Variants in OSBPL3 observed in about 807,000 individuals in gnomAD.
OSBPL3 encodes the protein oxysterol-binding protein-related protein 3.
Under a neutral mutation model 120.1 loss-of-function variants are expected in OSBPL3, and 65 were observed. That is an observed-to-expected ratio of 0.54 (90% CI 0.44 to 0.67). OSBPL3 has a LOEUF of 0.67. OSBPL3 is among the 30% of genes least tolerant of loss of function. OSBPL3 has a pLI of 0.00. For missense variants in OSBPL3, 1,004 were observed against 1,082.1 expected (o/e 0.93, Z 1.01); for synonymous variants, 416 against 402.6 (o/e 1.03, Z -0.40).
At chr7:24,812,606 T>C (rs988145986) in intron 19 of OSBPL3, among the ~76,000 whole-genome samples, 6 of 152,164 alleles carry the variant, frequency 3.9e-5, no homozygotes, top group African/African-American at 1.4e-4. Flanking sequence ...AAAATCTCTA[T>C]GAAAGAATGG....
chr7:24,970,104 CTTTTTTTTTTTTT>C (rs10540160), intron 1 of OSBPL3, among the ~76,000 whole-genome samples: 10 of 83,004 alleles, frequency 1.2e-4, no homozygotes, highest in Admixed American at 4.7e-4. Context: ...TCGTCCCTTT[CTTTTTTTTTTTTT>C]TTTTTTTTTT....
chr7:24,892,215 T>C (rs1455177778), intron 2 of OSBPL3, among the ~76,000 whole-genome samples, 162 bp downstream of exon 2: 1 of 152,182 alleles, frequency 6.6e-6, no homozygotes, highest in East Asian at 1.9e-4. Flanking sequence ...CACACATTAT[T>C]AAAATTATAC....
intron 1 of OSBPL3, among the ~76,000 whole-genome samples, chr7:24,917,388 TATATATTTGTAAC>T (rs1220681917): frequency 8.1e-6 from 1 of 123,216 alleles, no homozygotes; most frequent in African/African-American, 3.3e-5. Flanking sequence ...GTAACATATA[TATATATTTGTAAC>T]ATATATATAT....
chr7:24,940,889 G>A lies in OSBPL3; in HGVS notation c.-150+38997C>T, dbSNP rs1435977884. Among the ~76,000 whole-genome samples, 1 of 149,944 alleles carries A rather than the reference G, an allele frequency of 6.7e-6. No homozygotes were observed. Among genetic ancestry groups the A allele is most frequent in the South Asian group, 2.1e-4 (1 of 4,744 alleles). ...GGCTGGAGTGCACTGGCGCGATCTC[G>A]GCTCACTGCAAGCTCTGCCTCCCGG... On this transcript the variant is annotated intron_variant, in intron 1 of 22. Coordinates refer to ENST00000313367, the MANE Select transcript of OSBPL3 (RefSeq NM_015550.4). The surrounding 1 kb of genome is among the most constrained non-coding windows in gnomAD (Gnocchi z 4.4).
chr7:24,973,533 T>C (rs557494255), intron 1 of OSBPL3, among the ~76,000 whole-genome samples: 1 of 152,312 alleles, frequency 6.6e-6, no homozygotes, highest in Non-Finnish European at 1.5e-5. Context: ...ACAAGGAAAT[T>C]ACCAGTGAGT....
chr7:24,980,395 C>T (rs991521605), upstream of OSBPL3, among the ~76,000 whole-genome samples: 8 of 151,848 alleles, frequency 5.3e-5, no homozygotes, highest in Non-Finnish European at 1.0e-4. Context: ...AACTAGGGAC[C>T]CCGGATTCCG....
intron 16 of OSBPL3, among the ~76,000 whole-genome samples, chr7:24,829,078 A>T (rs1466915697): frequency 6.6e-6 from 1 of 152,220 alleles, no homozygotes; most frequent in Non-Finnish European, 1.5e-5. Context: ...CAGAGGACTG[A>T]AGCTCAACTT....
chr7:24,839,419 T>C (rs1388599192), intron 14 of OSBPL3, among the ~76,000 whole-genome samples: 2 of 152,168 alleles, frequency 1.3e-5, no homozygotes, highest in Non-Finnish European at 2.9e-5. Flanking sequence ...CAGTTCGAAC[T>C]AGCATTATGA....
At position 24,834,775 on chromosome 7, in the gene OSBPL3, T is replaced by G. The variant is rs1331613778; in HGVS notation, c.1496-39A>C. 1 of 1,481,352 alleles carries G rather than the reference T, an allele frequency of 6.8e-7. No individual in the cohort carries two copies. The highest frequency in any genetic ancestry group is 1.4e-5 in the South Asian group (1 of 72,152). 91.8% of individuals were successfully genotyped at this position (1,481,352 alleles called of 1,614,324 possible). A position where few individuals can be genotyped will look rare whatever the true frequency, so the allele number is the denominator to read the frequency against. On this transcript the variant is annotated intron_variant, in intron 14 of 22. Transcript: ENST00000313367. The surrounding 1 kb of genome is among the most constrained non-coding windows in gnomAD (Gnocchi z 5.2). ...AGGCCTGGTTGTCTCTATAAAGCTT[T>G]TCATTTTATTCTATTATTTTTAATC...
chr7:24,838,697 T>C (rs1797319045), intron 14 of OSBPL3, among the ~76,000 whole-genome samples: 1 of 152,198 alleles, frequency 6.6e-6, no homozygotes, highest in African/African-American at 2.4e-5. Flanking sequence ...TCCCTCTCCA[T>C]AGACTCAAAG....
intron 1 of OSBPL3, among the ~76,000 whole-genome samples, chr7:24,902,700 T>TG (rs1807224487): frequency 1.3e-5 from 1 of 75,058 alleles, no homozygotes; most frequent in Non-Finnish European, 2.4e-5. Flanking sequence ...CAAGAGAAAA[T>TG]AAATAATAAT....
intron 20 of OSBPL3, among the ~76,000 whole-genome samples, chr7:24,809,210 A>G (rs1012775): frequency 0.74 from 113,099 of 152,100 alleles, 43,167 homozygotes; most frequent in East Asian, 0.98. Flanking sequence ...TTACAATATG[A>G]CTGTGACTTG....
At chr7:24,949,836 T>C (rs1814175449) in intron 1 of OSBPL3, among the ~76,000 whole-genome samples, 1 of 152,126 alleles carries the variant, frequency 6.6e-6, no homozygotes, top group South Asian at 2.1e-4. Context: ...CCTGCCTCTC[T>C]CCCCGCTCCC....
At chr7:24,842,455 A>G (rs751128550) in intron 12 of OSBPL3, 42 bp from the exon 13 acceptor site, 1 of 1,436,836 alleles carries the variant, frequency 7.0e-7, no homozygotes, top group Non-Finnish European at 9.6e-7. Context: ...ATTTAAAAAC[A>G]TTCTCAAGAG....
rs1001677794 is a variant in OSBPL3, at chr7:24,817,738, G to A, written c.1949-1050C>T. Among the ~76,000 whole-genome samples, 2 of 152,148 alleles carry A rather than the reference G, an allele frequency of 1.3e-5. No homozygotes were observed. The highest frequency in any genetic ancestry group is 4.8e-5 in the African/African-American group (2 of 41,428). On this transcript the variant is annotated intron_variant, in intron 17 of 22. Transcript: ENST00000313367. This position sits in a 1 kb window ranked among gnomAD's most constrained non-coding sequence, Gnocchi z 4.0. ...CCCAGGGGATAACAAACGGGATGAA[G>A]GGAACCAAGACAACAGACGCGGGGA...
rs1240655809 is a variant in OSBPL3, at chr7:24,898,205, C to T, written c.-149-5584G>A. On this transcript the variant is annotated intron_variant, in intron 1 of 22. Coordinates refer to ENST00000313367, the MANE Select transcript of OSBPL3 (RefSeq NM_015550.4). This position sits in a 1 kb window ranked among gnomAD's most constrained non-coding sequence, Gnocchi z 4.3. ...CTTTAAGCACCACAGACCAGAGATT[C>T]AGCATCAGAAGTTTCTGGAAGCAGG... Among the ~76,000 whole-genome samples the T allele has an allele frequency of 6.6e-6, 1 of 152,190 alleles. No homozygotes were observed. The highest frequency in any genetic ancestry group is 1.5e-5 in the Non-Finnish European group (1 of 68,036).
Position 24,947,849 on chromosome 7 carries a change from G to A in OSBPL3, c.-150+32037C>T, listed in dbSNP as rs961486310. 6.6e-6 allele frequency among the ~76,000 whole-genome samples: 1 copy of A among 151,928 alleles called. No homozygotes were observed. The highest frequency in any genetic ancestry group is 1.5e-5 in the Non-Finnish European group (1 of 67,998). ...CCATGTGCCAGATTCTGTGATCGGT[G>A]TTGGTAATTTGACACTGTACAGGGG... On this transcript the variant is annotated intron_variant, in intron 1 of 22. Coordinates refer to ENST00000313367, the MANE Select transcript of OSBPL3 (RefSeq NM_015550.4). The surrounding 1 kb of genome is among the most constrained non-coding windows in gnomAD (Gnocchi z 4.4).
At chr7:24,962,382 G>C (rs980636522) in intron 1 of OSBPL3, among the ~76,000 whole-genome samples, 8 of 131,006 alleles carry the variant, frequency 6.1e-5, no homozygotes, top group African/African-American at 1.9e-4. Context: ...AAGGAGAGGA[G>C]AGGGGAGGGG....
chr7:24,866,092 A>T lies in OSBPL3; in HGVS notation c.527T>A (p.Phe176Tyr). ...STITDSSSGV[F>Y]DSISSRKRSS... is the part of the protein sequence containing the mutation. Reference sequence around the variant, plus strand: ...TACCTTCCTACTTGAAATGGAGTCAAACACCCCAGATGAAGAGTCTGTGAT... The same window carrying T: ...TACCTTCCTACTTGAAATGGAGTCATACACCCCAGATGAAGAGTCTGTGAT... The change falls in exon 6 of 23, where the codon TTT becomes TAT. Residue 176 changes from phenylalanine to tyrosine, a missense_variant. Phe to Tyr is a conservative substitution (Grantham distance 22, BLOSUM62 3). Coordinates refer to ENST00000313367, the MANE Select transcript of OSBPL3 (RefSeq NM_015550.4). The T allele has an allele frequency of 6.2e-7, 1 of 1,613,912 alleles. No homozygotes were observed. The highest frequency in any genetic ancestry group is 1.7e-5 in the Admixed American group (1 of 60,000).
Sources: gnomAD v4.1 joint callset for allele counts (sites outside exome capture counted in the v4.1 genomes callset) on GRCh38, gnomAD v4.1.1 for gene constraint, Gnocchi (gnomAD v3.1) non-coding constraint, MANE v1.5 for transcripts, NCBI Gene and HGNC (gene_info 2026-07-23, HGNC 2026-07-21) for gene names.